DEUP1: variants seen among roughly 807,000 people sequenced by gnomAD.
DEUP1 encodes the protein deuterosome assembly protein 1.
DEUP1 carries 82 observed loss-of-function variants against 87.4 expected under a neutral mutation model. The ratio of observed to expected loss-of-function variants is 0.94; its 90% confidence interval spans 0.78 to 1.13. The LOEUF is 1.13. Among genes scored for constraint, DEUP1 ranks in the 50% most tolerant of loss-of-function variants. DEUP1 has a pLI of 0.00. For missense variants in DEUP1, 663 were observed against 681.5 expected (o/e 0.97, Z 0.30); for synonymous variants, 214 against 222.7 (o/e 0.96, Z 0.35).
chr11:93,394,031 T>C (rs984975987), intron 9 of DEUP1, among the ~76,000 whole-genome samples: 2 of 152,222 alleles, frequency 1.3e-5, no homozygotes, highest in African/African-American at 4.8e-5. Flanking sequence ...CTATTTTAGT[T>C]TTAAAAAAGC....
intron 2 of DEUP1, among the ~76,000 whole-genome samples, chr11:93,344,862 C>CT (rs1035221872): frequency 5.1e-4 from 73 of 142,384 alleles, no homozygotes; most frequent in Non-Finnish European, 6.3e-4. Context: ...TTTTTTTTAA[C>CT]TTTTTTTTTT....
intron 5 of DEUP1, among the ~76,000 whole-genome samples, chr11:93,365,536 C>A (rs1330756521): frequency 2.0e-5 from 3 of 152,054 alleles, no homozygotes; most frequent in African/African-American, 7.2e-5. Flanking sequence ...ATTCGACTGA[C>A]TTTTCATGGG....
At chr11:93,412,234 T>G (rs558070396) in intron 12 of DEUP1, among the ~76,000 whole-genome samples, 1 of 152,078 alleles carries the variant, frequency 6.6e-6, no homozygotes, top group Non-Finnish European at 1.5e-5. Flanking sequence ...GTGGACAGAG[T>G]TCTGTTCCCC....
intron 10 of DEUP1, 26 bp downstream of exon 10, chr11:93,394,682 T>C (rs1591217667): frequency 3.9e-6 from 6 of 1,531,586 alleles, no homozygotes; most frequent in African/African-American, 1.4e-5. Context: ...GAATAGCACT[T>C]GTCTAGGGCA....
intron 5 of DEUP1, 44 bp downstream of exon 5, chr11:93,364,338 A>T: frequency 6.4e-7 from 1 of 1,551,110 alleles, no homozygotes; most frequent in Non-Finnish European, 8.9e-7. Flanking sequence ...TTAAAGATTG[A>T]TTCCTATTGT....
At chr11:93,417,072 C>G (rs1284908703) in intron 13 of DEUP1, among the ~76,000 whole-genome samples, 3 of 149,828 alleles carry the variant, frequency 2.0e-5, no homozygotes, top group Non-Finnish European at 3.0e-5. Context: ...TAGCCAATAT[C>G]ATACTGAATG....
At chr11:93,413,547 G>C (rs1453330616) in intron 12 of DEUP1, among the ~76,000 whole-genome samples, 1 of 152,092 alleles carries the variant, frequency 6.6e-6, no homozygotes, top group Non-Finnish European at 1.5e-5. Context: ...CAGCCTCTTT[G>C]ATGATTTTAT....
At chr11:93,397,994 C>G (rs1946990861) in intron 11 of DEUP1, among the ~76,000 whole-genome samples, 1 of 151,964 alleles carries the variant, frequency 6.6e-6, no homozygotes, top group African/African-American at 2.4e-5. Context: ...TTGCTGCTTG[C>G]TTTACTCCTC....
At chr11:93,333,712 A>T (rs1014372653) in intron 2 of DEUP1, among the ~76,000 whole-genome samples, 1 of 152,212 alleles carries the variant, frequency 6.6e-6, no homozygotes, top group Non-Finnish European at 1.5e-5. Context: ...ATCCTAGAAT[A>T]TACACCAGGT....
At chr11:93,380,469 C>T (rs1204181337) in intron 7 of DEUP1, among the ~76,000 whole-genome samples, 4 of 152,044 alleles carry the variant, frequency 2.6e-5, no homozygotes, top group Non-Finnish European at 5.9e-5. Flanking sequence ...GGTGCAATCT[C>T]GGCTCACTGC....
chr11:93,342,669 A>G (rs1944140137), intron 2 of DEUP1, among the ~76,000 whole-genome samples: 1 of 152,202 alleles, frequency 6.6e-6, no homozygotes, highest in African/African-American at 2.4e-5. Flanking sequence ...AGCTGGTTGC[A>G]TTTCCTCTCT....
intron 7 of DEUP1, among the ~76,000 whole-genome samples, chr11:93,372,721 C>T (rs962947104): frequency 2.6e-5 from 4 of 152,144 alleles, no homozygotes. Context: ...AGGTCTTATT[C>T]TAATACAAGT....
intron 11 of DEUP1, among the ~76,000 whole-genome samples, chr11:93,402,753 G>T (rs1206176950): frequency 3.3e-5 from 5 of 151,950 alleles, no homozygotes; most frequent in Non-Finnish European, 5.9e-5. Flanking sequence ...TATGTTAAGT[G>T]AAATAAGCGA....
intron 9 of DEUP1, among the ~76,000 whole-genome samples, chr11:93,390,453 A>G (rs1946732863): frequency 1.3e-5 from 2 of 152,196 alleles, no homozygotes. Context: ...ATCAGTGATC[A>G]TTTTTCATAT....
chr11:93,434,563 T>C (rs775883421), intron 13 of DEUP1, among the ~76,000 whole-genome samples: 15 of 152,186 alleles, frequency 9.9e-5, no homozygotes, highest in Non-Finnish European at 1.5e-4. Flanking sequence ...CTCCACTCTG[T>C]GTGTCTGATC....
chr11:93,331,664 C>G (rs140421245), intron 1 of DEUP1, among the ~76,000 whole-genome samples: 5 of 152,316 alleles, frequency 3.3e-5, no homozygotes, highest in Non-Finnish European at 7.4e-5. Context: ...ATGTACTGAG[C>G]CGTTTGCGAA....
intron 5 of DEUP1, among the ~76,000 whole-genome samples, chr11:93,368,662 C>A (rs1275312483): frequency 6.6e-6 from 1 of 152,192 alleles, no homozygotes; most frequent in East Asian, 1.9e-4. Flanking sequence ...CCAGGCTGGG[C>A]GCAGTGGCTC....
At position 93,438,037 on chromosome 11, in the gene DEUP1, A is replaced by G. The variant is rs535602525; in HGVS notation, c.*318A>G. 8.6e-4 allele frequency: 178 copies of G among 205,786 alleles called. No individual in the cohort carries two copies. Among genetic ancestry groups the G allele is most frequent in the African/African-American group, 3.8e-3 (158 of 42,124 alleles). 12.7% of individuals were successfully genotyped at this position (205,786 alleles called of 1,614,324 possible). ...TTTTTTTTCCCCACTTGAATCATGT[A>G]TACTGAAAACCCATTTCCTCAGCAA... On this transcript the variant is annotated 3_prime_UTR_variant, in exon 14 of 14. Coordinates refer to ENST00000298050, the MANE Select transcript of DEUP1 (RefSeq NM_181645.4).
At chr11:93,417,098 C>T (rs950910453) in intron 13 of DEUP1, among the ~76,000 whole-genome samples, 1 of 147,644 alleles carries the variant, frequency 6.8e-6, no homozygotes, top group Non-Finnish European at 1.5e-5. Flanking sequence ...AAACTGGAAG[C>T]ATTCCCTTTG....
Sources: allele counts gnomAD v4.1 joint callset (sites outside exome capture counted in the v4.1 genomes callset), GRCh38; gene constraint gnomAD v4.1.1; transcripts MANE v1.5; gene names NCBI Gene and HGNC (gene_info 2026-07-23, HGNC 2026-07-21).